Variants in DNAJB6 observed in about 807,000 individuals in gnomAD.
The protein encoded by DNAJB6 is DnaJ heat shock protein family (Hsp40) member B6, also known as dnaJ homolog subfamily B member 6.
In DNAJB6, 16 loss-of-function variants were observed where a neutral mutation model predicts 42.7. That is an observed-to-expected ratio of 0.37 (90% CI 0.25 to 0.57). The LOEUF is 0.57. Among genes scored for constraint, DNAJB6 ranks in the 20% least tolerant of loss-of-function variants. DNAJB6 has a pLI of 0.74. For synonymous variants in DNAJB6, 170 were observed against 163.5 expected (o/e 1.04, Z -0.30); for missense variants, 347 against 416.8 (o/e 0.83, Z 1.46).
At chr7:157,391,733 AT>A (rs1801353897) in intron 8 of DNAJB6, among the ~76,000 whole-genome samples, 1 of 152,180 alleles carries the variant, frequency 6.6e-6, no homozygotes, top group South Asian at 2.1e-4. Flanking sequence ...GTAGAGTCTT[AT>A]GTACTTGCAG....
chr7:157,346,809 C>T (rs1446419364), intron 1 of DNAJB6, among the ~76,000 whole-genome samples: 1 of 152,176 alleles, frequency 6.6e-6, no homozygotes, highest in Non-Finnish European at 1.5e-5. Flanking sequence ...CTGCAGGTTT[C>T]CTTGGAGACA....
chr7:157,412,869 T>A (rs1796016231), intron 9 of DNAJB6: 1 of 152,232 alleles, frequency 6.6e-6, no homozygotes, highest in African/African-American at 2.4e-5. Flanking sequence ...GGGCATGATT[T>A]TTTTTAGGCT....
intron 3 of DNAJB6, among the ~76,000 whole-genome samples, chr7:157,365,821 T>G (rs189595682): frequency 1.3e-3 from 198 of 151,286 alleles, no homozygotes; most frequent in Non-Finnish European, 1.7e-3. Flanking sequence ...TGCGCCACCA[T>G]GCCTGGCTAA....
chr7:157,342,991 C>CT (rs796741029), intron 1 of DNAJB6, among the ~76,000 whole-genome samples: 1,529 of 141,376 alleles, frequency 0.011, 21 homozygotes, highest in African/African-American at 0.035. Context: ...TTTGTTTTTG[C>CT]TTTTTTTTTT....
intron 5 of DNAJB6, among the ~76,000 whole-genome samples, chr7:157,373,621 G>T (rs1800326430): frequency 6.6e-6 from 1 of 152,228 alleles, no homozygotes; most frequent in Admixed American, 6.5e-5. Flanking sequence ...GAAGTGCTGG[G>T]ATTACATGCG....
At chr7:157,409,388 G>C (rs867469984) in intron 8 of DNAJB6, among the ~76,000 whole-genome samples, 1 of 152,270 alleles carries the variant, frequency 6.6e-6, no homozygotes, top group Middle Eastern at 3.4e-3. Context: ...TCCGTGTATG[G>C]ACTCAGGAGG....
intron 5 of DNAJB6, chr7:157,370,850 A>G (rs1800173562): frequency 6.6e-6 from 1 of 152,626 alleles, no homozygotes; most frequent in Non-Finnish European, 1.5e-5. Context: ...GTATGTAGTC[A>G]CTGAGCAGCC....
At chr7:157,373,340 G>A (rs1800312193) in intron 5 of DNAJB6, among the ~76,000 whole-genome samples, 1 of 152,154 alleles carries the variant, frequency 6.6e-6, no homozygotes, top group South Asian at 2.1e-4. Context: ...AACCTTTAAA[G>A]TTAGACATGT....
At chr7:157,393,723 T>C (rs572079068) in intron 8 of DNAJB6, among the ~76,000 whole-genome samples, 2 of 152,316 alleles carry the variant, frequency 1.3e-5, no homozygotes, top group Admixed American at 1.3e-4. Context: ...TACGTATTTG[T>C]AGGGTGCATG....
intron 5 of DNAJB6, chr7:157,369,025 A>G (rs1799981773): frequency 2.8e-6 from 1 of 358,676 alleles, no homozygotes; most frequent in Admixed American, 3.8e-5. Context: ...ACACCTTATT[A>G]TGGGCTGGCT....
At chr7:157,340,336 AAG>A (rs756967957) in intron 1 of DNAJB6, among the ~76,000 whole-genome samples, 1 of 152,206 alleles carries the variant, frequency 6.6e-6, no homozygotes, top group African/African-American at 2.4e-5. Context: ...ATTAGCGAGT[AAG>A]AGTAGGATCA....
At chr7:157,367,783 C>T (rs558333628) in intron 5 of DNAJB6, among the ~76,000 whole-genome samples, 70 of 151,910 alleles carry the variant, frequency 4.6e-4, no homozygotes, top group African/African-American at 1.5e-3. Flanking sequence ...CACTTGAACC[C>T]GGGAGGCAGA....
chr7:157,400,061 C>A (rs907062577), intron 8 of DNAJB6, among the ~76,000 whole-genome samples: 1 of 152,162 alleles, frequency 6.6e-6, no homozygotes, highest in Non-Finnish European at 1.5e-5. Flanking sequence ...GTATTTTGTA[C>A]CACCCAGTAA....
At chr7:157,337,360 G>T (rs1185877934) in intron 1 of DNAJB6, among the ~76,000 whole-genome samples, 7 of 151,382 alleles carry the variant, frequency 4.6e-5, no homozygotes, top group African/African-American at 1.7e-4. Context: ...GCCGGGGCTG[G>T]GGTCTGGGGC....
At chr7:157,415,129 T>G (rs561978286) in intron 9 of DNAJB6, 3 of 152,292 alleles carry the variant, frequency 2.0e-5, no homozygotes, top group African/African-American at 7.2e-5. Flanking sequence ...AGGCCTGCCC[T>G]GCCTGCTGCC....
chr7:157,403,744 C>G (rs563178778), intron 8 of DNAJB6, among the ~76,000 whole-genome samples: 1 of 152,352 alleles, frequency 6.6e-6, no homozygotes, highest in South Asian at 2.1e-4. Flanking sequence ...GATTCATTGT[C>G]GTTTCACAAT....
At chr7:157,339,430 T>G (rs554580399) in intron 1 of DNAJB6, among the ~76,000 whole-genome samples, 99 of 151,762 alleles carry the variant, frequency 6.5e-4, no homozygotes, top group African/African-American at 2.3e-3. Context: ...CCCGAGTAGC[T>G]GGGACTTCAA....
intron 8 of DNAJB6, among the ~76,000 whole-genome samples, chr7:157,395,390 T>C (rs1801535657): frequency 6.6e-6 from 1 of 152,242 alleles, no homozygotes; most frequent in Non-Finnish European, 1.5e-5. Context: ...GAGAATTGCA[T>C]GGGCAGCTTC....
intron 8 of DNAJB6, chr7:157,386,099 A>G (rs1049267804): frequency 3.1e-6 from 3 of 977,486 alleles, no homozygotes; most frequent in Admixed American, 6.1e-5. Context: ...ATATTAATAC[A>G]TTAATGGTAA....
Sources: gnomAD v4.1 joint callset for allele counts (sites outside exome capture counted in the v4.1 genomes callset) on GRCh38, gnomAD v4.1.1 for gene constraint, MANE v1.5 for transcripts, NCBI Gene and HGNC (gene_info 2026-07-23, HGNC 2026-07-21) for gene names.